The following HAO2 variants were observed in gnomAD, a reference collection of about 807,000 sequenced individuals.
The protein encoded by HAO2 is 2-Hydroxyacid oxidase 2.
Under a neutral mutation model 37.4 loss-of-function variants are expected in HAO2, and 42 were observed. The observed-to-expected ratio is 1.12, with a 90% confidence interval of 0.88 to 1.45. The LOEUF is 1.45. Ranked by LOEUF, HAO2 falls within the 40% of genes most tolerant of loss-of-function variation. The probability of loss-of-function intolerance (pLI) is 0.00; values close to 1 mark genes in which losing one functional copy is unlikely to be tolerated. For missense variants in HAO2, 476 were observed against 430.2 expected (o/e 1.11, Z -0.94); for synonymous variants, 180 against 162.8 (o/e 1.11, Z -0.81).
intron 1 of HAO2, among the ~76,000 whole-genome samples, chr1:119,370,785 C>A (rs1648928887): frequency 6.6e-6 from 1 of 152,126 alleles, no homozygotes; most frequent in African/African-American, 2.4e-5. Flanking sequence ...ACAGAGAAGC[C>A]AGGAGGAAGG....
chr1:119,373,094 G>A (rs1434199532), intron 1 of HAO2, among the ~76,000 whole-genome samples: 9 of 152,196 alleles, frequency 5.9e-5, no homozygotes, highest in Non-Finnish European at 1.3e-4. Context: ...AGTGTTAGTA[G>A]CTATCTCTCT....
chr1:119,373,220 G>A (rs911863016), intron 1 of HAO2, among the ~76,000 whole-genome samples: 2 of 152,130 alleles, frequency 1.3e-5, no homozygotes, highest in Non-Finnish European at 1.5e-5. Context: ...TGGCTAAGCA[G>A]GGTCAGAAGG....
intron 7 of HAO2, 101 bp downstream of exon 7, chr1:119,392,788 G>A: frequency 1.2e-6 from 1 of 808,428 alleles, no homozygotes; most frequent in Non-Finnish European, 2.2e-6. Flanking sequence ...TGATGTGGTA[G>A]CTGTCCAAAA....
chr1:119,385,854 T>C (rs1570782983), intron 4 of HAO2: 4 of 984,824 alleles, frequency 4.1e-6, no homozygotes, highest in Admixed American at 6.2e-5. Context: ...CAGAAGCACA[T>C]TGAGATTTAT....
chr1:119,391,075 AAC>A (rs1322929257), intron 5 of HAO2, among the ~76,000 whole-genome samples: 17 of 152,192 alleles, frequency 1.1e-4, no homozygotes, highest in Non-Finnish European at 8.8e-5. Flanking sequence ...GTAAGTTCAA[AAC>A]ATATTCAATT....
intron 1 of HAO2, among the ~76,000 whole-genome samples, chr1:119,372,222 CTG>C (rs1457883409): frequency 3.3e-5 from 5 of 152,082 alleles, no homozygotes; most frequent in Non-Finnish European, 5.9e-5. Flanking sequence ...ACTAAGAAAA[CTG>C]TGTAATAAAT....
intron 4 of HAO2, chr1:119,385,429 T>C (rs1650298870): frequency 2.3e-6 from 2 of 874,028 alleles, no homozygotes; most frequent in Non-Finnish European, 2.7e-6. Flanking sequence ...ATGCTAATTT[T>C]GGATGGCATA....
chr1:119,388,997 C>T (rs781753594), intron 5 of HAO2, among the ~76,000 whole-genome samples: 1 of 150,034 alleles, frequency 6.7e-6, no homozygotes, highest in African/African-American at 2.4e-5. Context: ...CATAGCTTAG[C>T]TCCCACTTAT....
chr1:119,369,049 T>C (rs1648740323), intron 1 of HAO2, 147 bp downstream of exon 1: 1 of 152,164 alleles, frequency 6.6e-6, no homozygotes, highest in South Asian at 2.1e-4. Flanking sequence ...AGACAGGTGT[T>C]AGGGAACTCA....
chr1:119,382,944 A>G lies in HAO2; in HGVS notation c.161A>G (p.Asp54Gly). Reference protein sequence around the residue: ...RIRLRPRYLRDVSEVDTRTTI... With the variant: ...RIRLRPRYLRGVSEVDTRTTI... ...CGCCTCCGTCCGCGGTACCTGAGAG[A>G]TGTGTCTGAGGTGGACACCAGAACC... The change falls in exon 3 of 8, where the codon GAT (aspartate) becomes GGT (glycine). Residue 54 changes from aspartate (D) to glycine (G), a missense_variant. Transcript: ENST00000325945. 1.2e-6 allele frequency: 2 copies of G among 1,613,750 alleles called. No individual in the cohort carries two copies. Among genetic ancestry groups the G allele is most frequent in the South Asian group, 1.1e-5 (1 of 91,048 alleles).
chr1:119,393,997 G>A lies in HAO2; in HGVS notation c.*157G>A, dbSNP rs1255717684. 2 of 1,471,404 alleles carry A rather than the reference G, an allele frequency of 1.4e-6. No homozygotes were observed. Among genetic ancestry groups the A allele is most frequent in the Non-Finnish European group, 1.8e-6 (2 of 1,103,126 alleles). 91.1% of individuals were successfully genotyped at this position (1,471,404 alleles called of 1,614,324 possible). A position where few individuals can be genotyped will look rare whatever the true frequency, so the allele number is the denominator to read the frequency against. On this transcript the variant is annotated 3_prime_UTR_variant, in exon 8 of 8. Transcript: ENST00000325945. ...CTAATACCACCACCCCTGTGCTTCAGGCCCTCCAAACCCCTGTGTTCCCCA... is the reference window on the plus strand; with the variant it reads ...CTAATACCACCACCCCTGTGCTTCAAGCCCTCCAAACCCCTGTGTTCCCCA...
Position 119,384,925 on chromosome 1 carries a change from G to A in HAO2, c.433G>A (p.Val145Ile), listed in dbSNP as rs758602099. 2 of 1,613,920 alleles carry A rather than the reference G, an allele frequency of 1.2e-6. No individual in the cohort carries two copies. The highest frequency in any genetic ancestry group is 1.3e-5 in the African/African-American group (1 of 74,928). ...GCTGAACAAACAGTTGATCCAGAGG[G>A]TAGAATCCCTAGGTTTCAAAGCTTT... ...LQLNKQLIQR[V>I]ESLGFKALVI... The change falls in exon 4 of 8, where the codon GTA (valine) becomes ATA (isoleucine). Residue 145 changes from valine (V) to isoleucine (I), a missense_variant. By Grantham distance (29) the Val-to-Ile change is conservative (BLOSUM62 3). Transcript: ENST00000325945.
At chr1:119,385,397 T>A in intron 4 of HAO2, 2 of 961,358 alleles carry the variant, frequency 2.1e-6, no homozygotes, top group African/African-American at 1.8e-5. Flanking sequence ...TAACATTTTC[T>A]ACTTTATGAC....
Position 119,368,911 on chromosome 1 carries a change from T to C in HAO2, c.-9+9T>C, listed in dbSNP as rs587759813. ...GAAGACATTAGAATAAGGTTTGTCA[T>C]TGAGTGTGTTCTGTGTGCTTGGAAC... On this transcript the variant is annotated intron_variant, in intron 1 of 7. Coordinates refer to ENST00000325945, the MANE Select transcript of HAO2 (RefSeq NM_016527.4). 6.6e-6 allele frequency: 1 copy of C among 152,144 alleles called. No individual in the cohort carries two copies. Among genetic ancestry groups the C allele is most frequent in the African/African-American group, 2.4e-5 (1 of 41,428 alleles). The allele number at this position is 152,144 out of a possible 1,614,324, so 9.4% of individuals were successfully genotyped here.
intron 5 of HAO2, among the ~76,000 whole-genome samples, chr1:119,390,867 T>C (rs1334162554): frequency 1.3e-5 from 2 of 151,888 alleles, no homozygotes; most frequent in African/African-American, 4.8e-5. Context: ...CTGCAGGGAG[T>C]GGGACACTGA....
At chr1:119,379,255 C>T (rs955468588) in intron 1 of HAO2, among the ~76,000 whole-genome samples, 6 of 152,126 alleles carry the variant, frequency 3.9e-5, no homozygotes, top group African/African-American at 1.4e-4. Flanking sequence ...CTGCCTAGCC[C>T]ATACCAAAAT....
At chr1:119,389,568 T>C (rs1482430266) in intron 5 of HAO2, among the ~76,000 whole-genome samples, 1 of 152,132 alleles carries the variant, frequency 6.6e-6, no homozygotes, top group Non-Finnish European at 1.5e-5. Flanking sequence ...ATATGTTTGT[T>C]GGCTATTTGT....
At chr1:119,382,864 C>T (rs1202795613) in intron 2 of HAO2, 51 bp from the exon 3 acceptor site, 2 of 1,575,380 alleles carry the variant, frequency 1.3e-6, no homozygotes, top group Non-Finnish European at 1.7e-6. Flanking sequence ...CAACGCCTCC[C>T]TGCTGCAGAA....
At chr1:119,389,365 C>T (rs940293178) in intron 5 of HAO2, among the ~76,000 whole-genome samples, 1 of 150,516 alleles carries the variant, frequency 6.6e-6, no homozygotes, top group Non-Finnish European at 1.5e-5. Context: ...TATAAGGAAT[C>T]TCCACACTGT....
Sources: allele counts gnomAD v4.1 joint callset (sites outside exome capture counted in the v4.1 genomes callset), GRCh38; gene constraint gnomAD v4.1.1; transcripts MANE v1.5; gene names NCBI Gene and HGNC (gene_info 2026-07-23, HGNC 2026-07-21).